The following SRGAP1 variants were observed in gnomAD, a reference collection of about 807,000 sequenced individuals.
The protein encoded by SRGAP1 is SLIT-ROBO Rho GTPase activating protein 1, also known as SLIT-ROBO Rho GTPase-activating protein 1.
Under a neutral mutation model 121.9 loss-of-function variants are expected in SRGAP1, and 43 were observed. That is an observed-to-expected ratio of 0.35 (90% confidence interval 0.28 to 0.46). SRGAP1 has a LOEUF of 0.46. Ranked by LOEUF, SRGAP1 falls within the 20% of genes least tolerant of loss-of-function variation. SRGAP1 has a pLI of 1.00. For missense variants in SRGAP1, 1,102 were observed against 1,350.9 expected (o/e 0.82, Z 2.89); for synonymous variants, 447 against 485.4 (o/e 0.92, Z 1.04).
intron 21 of SRGAP1, among the ~76,000 whole-genome samples, chr12:64,135,957 C>G (rs982917960): frequency 6.6e-6 from 1 of 152,186 alleles, no homozygotes; most frequent in African/African-American, 2.4e-5. Flanking sequence ...AACTTGGAGT[C>G]TGATGTTTAA....
In SRGAP1 at chr12:64,036,411, T is replaced by TA. The variant is rs11413520; in HGVS notation, c.490-6378dup. ...GCACTTGCAGAAATTCAGCTACAGT[T>TA]AGAGTCCTCTTATGTATTGATTGTA... On this transcript the variant is annotated intron_variant, in intron 4 of 21. Coordinates refer to ENST00000355086, the MANE Select transcript of SRGAP1 (RefSeq NM_020762.4). 4.9e-3 allele frequency among the ~76,000 whole-genome samples: 741 copies of TA among 152,320 alleles called. 4 individuals carry two copies. The highest frequency in any genetic ancestry group is 0.017 in the African/African-American group (696 of 41,570).
intron 1 of SRGAP1, among the ~76,000 whole-genome samples, chr12:63,865,232 A>C (rs903006684): frequency 1.3e-5 from 2 of 152,106 alleles, no homozygotes; most frequent in Non-Finnish European, 2.9e-5. Context: ...TGAGGCGGGC[A>C]GATCACAGGG....
chr12:64,111,508 C>T (rs1469788361), intron 16 of SRGAP1, among the ~76,000 whole-genome samples: 1 of 152,036 alleles, frequency 6.6e-6, no homozygotes, highest in Non-Finnish European at 1.5e-5. Flanking sequence ...ATCCTGGTCT[C>T]CATTGTAGTG....
intron 3 of SRGAP1, among the ~76,000 whole-genome samples, chr12:64,011,717 T>C (rs1289981862): frequency 6.6e-6 from 1 of 152,204 alleles, no homozygotes; most frequent in Non-Finnish European, 1.5e-5. Context: ...AATCAAATTG[T>C]GGTTCTGAAA....
At chr12:64,081,328 A>ATT (rs2035834480) in intron 10 of SRGAP1, 1 of 152,174 alleles carries the variant, frequency 6.6e-6, no homozygotes, top group Non-Finnish European at 1.5e-5. Flanking sequence ...AACCTTCCTT[A>ATT]ACCATAAAGT....
chr12:64,032,584 A>G, intron 4 of SRGAP1: 4 of 725,714 alleles, frequency 5.5e-6, no homozygotes, highest in Non-Finnish European at 9.2e-6. Flanking sequence ...TCTGCACATA[A>G]GTCCTGCCCC....
chr12:64,078,655 A>G (rs1313598130), intron 8 of SRGAP1, among the ~76,000 whole-genome samples: 1 of 152,224 alleles, frequency 6.6e-6, no homozygotes, highest in Non-Finnish European at 1.5e-5. Context: ...TGTTAAGACA[A>G]AAAAGTAATT....
chr12:63,939,056 G>T (rs186594351), intron 1 of SRGAP1, among the ~76,000 whole-genome samples: 278 of 150,956 alleles, frequency 1.8e-3, no homozygotes, highest in Non-Finnish European at 2.7e-3. Flanking sequence ...TCAGCAGGCT[G>T]AGGCAAGAGG....
At chr12:63,868,057 T>TATATATATATATATATA (rs56697634) in intron 1 of SRGAP1, among the ~76,000 whole-genome samples, 3 of 55,940 alleles carry the variant, frequency 5.4e-5, no homozygotes, top group Admixed American at 3.0e-4. Flanking sequence ...TATATATATA[T>TATATATATATATATATA]TTTTTTTTTT....
At chr12:63,866,643 AT>A (rs1899642439) in intron 1 of SRGAP1, among the ~76,000 whole-genome samples, 1 of 151,856 alleles carries the variant, frequency 6.6e-6, no homozygotes, top group Non-Finnish European at 1.5e-5. Context: ...CAAAATTTGT[AT>A]TTATTTATAT....
At chr12:64,059,245 C>G (rs1227321960) in intron 6 of SRGAP1, among the ~76,000 whole-genome samples, 1 of 152,120 alleles carries the variant, frequency 6.6e-6, no homozygotes, top group Non-Finnish European at 1.5e-5. Flanking sequence ...ATTTATTTCC[C>G]CAAAGAAGCT....
chr12:64,084,263 G>GA (rs2035898378), intron 10 of SRGAP1, among the ~76,000 whole-genome samples: 2 of 148,904 alleles, frequency 1.3e-5, no homozygotes, highest in East Asian at 2.0e-4. Context: ...AAGAGTAGCT[G>GA]AAAAAAAATG....
intron 3 of SRGAP1, among the ~76,000 whole-genome samples, chr12:64,005,488 A>C (rs978554997): frequency 2.0e-5 from 3 of 152,022 alleles, no homozygotes; most frequent in African/African-American, 7.2e-5. Flanking sequence ...CAAAAATAAA[A>C]ATTAAAAAAT....
At position 64,123,381 on chromosome 12, in the gene SRGAP1, T is replaced by TG. The variant is rs149639446; in HGVS notation, c.2225-2592dup. ...AAACTAGCATGTCTTCATTCTTCCATGGGGTGTTTATTTCTTTTTCATAGG... is the reference window on the plus strand; with the variant it reads ...AAACTAGCATGTCTTCATTCTTCCATGGGGGTGTTTATTTCTTTTTCATAGG... On this transcript the variant is annotated intron_variant, in intron 18 of 21. Coordinates refer to ENST00000355086, the MANE Select transcript of SRGAP1 (RefSeq NM_020762.4). 3.7e-3 allele frequency among the ~76,000 whole-genome samples: 568 copies of TG among 152,270 alleles called. 11 individuals are homozygous for TG. In the East Asian group the frequency reaches 0.058, roughly 15 times the overall value.
chr12:64,111,909 C>A lies in SRGAP1; in HGVS notation c.2067C>A (p.His689Gln). The A allele has an allele frequency of 6.2e-7, 1 of 1,614,044 alleles. No homozygotes were observed. Among genetic ancestry groups the A allele is most frequent in the Non-Finnish European group, 8.5e-7 (1 of 1,179,994 alleles). The change falls in exon 17 of 22, where the codon CAC (histidine) becomes CAA (glutamine). Residue 689 changes from histidine to glutamine, a missense_variant. Physicochemically the swap from His to Gln is conservative, Grantham distance 24. Coordinates refer to ENST00000355086, the MANE Select transcript of SRGAP1 (RefSeq NM_020762.4). ...VNEIIKTIII[H>Q]HETIFPDAKE... The stretch of plus-strand genomic sequence containing the variant: ...AAATTATCAAAACCATCATCATCCA[C>A]CATGAGACTATTTTCCCAGATGCTA...
At chr12:64,026,513 G>A (rs916814965) in intron 4 of SRGAP1, among the ~76,000 whole-genome samples, 4 of 152,150 alleles carry the variant, frequency 2.6e-5, no homozygotes, top group African/African-American at 4.8e-5. Context: ...ACATGATTAT[G>A]TGAATTTGAT....
chr12:64,027,164 A>G (rs2034671451), intron 4 of SRGAP1, among the ~76,000 whole-genome samples: 1 of 152,156 alleles, frequency 6.6e-6, no homozygotes, highest in African/African-American at 2.4e-5. Flanking sequence ...TAAGCACTTT[A>G]CATAATTAGT....
intron 15 of SRGAP1, among the ~76,000 whole-genome samples, chr12:64,102,210 ACTTT>A (rs1420895935): frequency 2.0e-5 from 3 of 152,236 alleles, no homozygotes; most frequent in Non-Finnish European, 4.4e-5. Flanking sequence ...TTTTGCCATT[ACTTT>A]TAGTGGCAAA....
intron 8 of SRGAP1, among the ~76,000 whole-genome samples, chr12:64,070,795 T>G (rs77913971): frequency 6.6e-6 from 1 of 152,328 alleles, no homozygotes; most frequent in African/African-American, 2.4e-5. Context: ...GATATTTCAG[T>G]TATACTTCCT....
Sources: allele counts gnomAD v4.1 joint callset (sites outside exome capture counted in the v4.1 genomes callset), GRCh38; gene constraint gnomAD v4.1.1; transcripts MANE v1.5; gene names NCBI Gene and HGNC (gene_info 2026-07-23, HGNC 2026-07-21).